ZNRF1: variants seen among roughly 807,000 people sequenced by gnomAD.
ZNRF1 encodes zinc and ring finger 1.
Under a neutral mutation model 18.4 loss-of-function variants are expected in ZNRF1, and 3 were observed. That is an observed-to-expected ratio of 0.16 (90% CI 0.07 to 0.42). The LOEUF (loss-of-function observed/expected upper bound fraction) is 0.42. Among genes scored for constraint, ZNRF1 ranks in the 10% least tolerant of loss-of-function variants. ZNRF1 has a pLI of 0.99. For missense variants in ZNRF1, 310 were observed against 329.8 expected (o/e 0.94, Z 0.47); for synonymous variants, 157 against 144.2 (o/e 1.09, Z -0.64).
At chr16:75,093,434 A>T in intron 1 of ZNRF1, 138 bp from the exon 2 acceptor site, 1 of 583,968 alleles carries the variant, frequency 1.7e-6, no homozygotes, top group Non-Finnish European at 3.1e-6. Context: ...TTGAAGGAGG[A>T]CAGGTCCAGG....
intron 1 of ZNRF1, among the ~76,000 whole-genome samples, chr16:75,023,817 ACTGTTTATTATGGAGCCCTACAGGGG>A (rs2035186535): frequency 6.6e-6 from 1 of 151,064 alleles, no homozygotes; most frequent in South Asian, 2.1e-4. Flanking sequence ...AATTTACCTC[ACTGTTTATTATGGAGCCCTACAGGGG>A]CTCAGAATCC....
Position 75,010,701 on chromosome 16 carries a change from G to GTTTTTTTTTTT in ZNRF1, c.424+10615_424+10616insTTTTTTTTTTT, listed in dbSNP as rs1334552920. ...AAATTAGTCACCTCTGTACTGTACT[G>GTTTTTTTTTTT]TTTTTTTTTGTTTTTTTGTTTTTTT... On this transcript the variant is annotated intron_variant, in intron 1 of 4. Coordinates refer to ENST00000335325, the MANE Select transcript of ZNRF1 (RefSeq NM_032268.5). Among the ~76,000 whole-genome samples the GTTTTTTTTTTT allele has an allele frequency of 3.1e-3, 196 of 63,758 alleles. 13 individuals carry two copies. Among genetic ancestry groups the GTTTTTTTTTTT allele is most frequent in the African/African-American group, 6.2e-3 (138 of 22,290 alleles). The allele number at this position is 63,758 out of a possible 152,430, so 41.8% of individuals were successfully genotyped here.
intron 2 of ZNRF1, among the ~76,000 whole-genome samples, chr16:75,096,314 T>G (rs1278918957): frequency 6.6e-6 from 1 of 152,134 alleles, no homozygotes; most frequent in Non-Finnish European, 1.5e-5. Context: ...CTGAAGACCC[T>G]AAACCTTCCA....
At chr16:75,103,627 C>G (rs2036277637) in intron 2 of ZNRF1, among the ~76,000 whole-genome samples, 1 of 152,146 alleles carries the variant, frequency 6.6e-6, no homozygotes. Context: ...ATGTTGTACA[C>G]TTGAAGATTT....
At chr16:75,051,102 G>T (rs1256352873) in intron 1 of ZNRF1, among the ~76,000 whole-genome samples, 1 of 151,510 alleles carries the variant, frequency 6.6e-6, no homozygotes, top group East Asian at 1.9e-4. Flanking sequence ...TCAGGAGGCT[G>T]AGGCAGTAGG....
intron 1 of ZNRF1, among the ~76,000 whole-genome samples, chr16:75,057,242 ATTCATGCCAGAT>A (rs1313813589): frequency 6.6e-6 from 1 of 152,144 alleles, no homozygotes; most frequent in Non-Finnish European, 1.5e-5. Context: ...TTTGTTGCTT[ATTCATGCCAGAT>A]TTCTAATATA....
chr16:75,040,598 G>GTTTTTT (rs61513153), intron 1 of ZNRF1, among the ~76,000 whole-genome samples: 26 of 46,368 alleles, frequency 5.6e-4, no homozygotes, highest in South Asian at 1.4e-3. Flanking sequence ...TTTTTTGTGG[G>GTTTTTT]TTTTTTTTTT....
intron 1 of ZNRF1, among the ~76,000 whole-genome samples, chr16:75,081,008 A>G (rs757325917): frequency 1.3e-5 from 2 of 152,156 alleles, no homozygotes; most frequent in African/African-American, 2.4e-5. Flanking sequence ...TCCCGTCTCT[A>G]TTAAAAATAC....
intron 1 of ZNRF1, among the ~76,000 whole-genome samples, chr16:75,086,646 C>A (rs1475715394): frequency 6.6e-6 from 1 of 152,184 alleles, no homozygotes; most frequent in African/African-American, 2.4e-5. Context: ...TAATAAATCC[C>A]ATTTATGAAA....
chr16:75,107,463 TG>T, intron 4 of ZNRF1: 1 of 306,968 alleles, frequency 3.3e-6, no homozygotes, highest in Non-Finnish European at 6.5e-6. Flanking sequence ...GAACAGCTGA[TG>T]ATGTCAGACA....
chr16:75,053,589 CAA>C (rs56775288), intron 1 of ZNRF1, among the ~76,000 whole-genome samples: 8,735 of 71,132 alleles, frequency 0.12, 219 homozygotes, highest in Admixed American at 0.18. Flanking sequence ...GACTCCATCT[CAA>C]AAAAAAAAAA....
intron 1 of ZNRF1, among the ~76,000 whole-genome samples, chr16:75,051,432 C>G (rs566969104): frequency 2.0e-5 from 3 of 152,068 alleles, no homozygotes; most frequent in Admixed American, 1.3e-4. Flanking sequence ...TGGTCTCAAA[C>G]TCCTGACCTC....
chr16:75,071,154 C>T (rs2035865539), intron 1 of ZNRF1, among the ~76,000 whole-genome samples: 1 of 150,238 alleles, frequency 6.7e-6, no homozygotes, highest in Non-Finnish European at 1.5e-5. Context: ...GGCTGGAGTG[C>T]AGTGGTGCAA....
At chr16:75,080,396 C>CT (rs1190011502) in intron 1 of ZNRF1, among the ~76,000 whole-genome samples, 2 of 152,178 alleles carry the variant, frequency 1.3e-5, no homozygotes, top group Admixed American at 6.5e-5. Context: ...TGAGCAGTCA[C>CT]TTACATGTGA....
At chr16:75,047,612 T>G (rs1390085396) in intron 1 of ZNRF1, among the ~76,000 whole-genome samples, 1 of 152,210 alleles carries the variant, frequency 6.6e-6, no homozygotes, top group Non-Finnish European at 1.5e-5. Context: ...TGTGTGTAGA[T>G]CTTGCGTCTA....
chr16:75,017,201 C>T (rs1027042105), intron 1 of ZNRF1, among the ~76,000 whole-genome samples: 3 of 152,130 alleles, frequency 2.0e-5, no homozygotes, highest in Admixed American at 2.0e-4. Context: ...CTTTGTGCTT[C>T]CAGATAAATT....
intron 1 of ZNRF1, among the ~76,000 whole-genome samples, chr16:75,087,678 C>G (rs1597904007): frequency 6.6e-6 from 1 of 152,210 alleles, no homozygotes; most frequent in East Asian, 1.9e-4. Context: ...GTCATTCGTT[C>G]CTTCCTCATC....
intron 1 of ZNRF1, among the ~76,000 whole-genome samples, chr16:75,084,152 G>A (rs530619998): frequency 1.3e-5 from 2 of 152,316 alleles, no homozygotes; most frequent in South Asian, 4.1e-4. Flanking sequence ...GCTTGGGTGT[G>A]TGCACGTTCT....
chr16:75,099,346 C>T (rs576508140), intron 2 of ZNRF1, among the ~76,000 whole-genome samples: 1 of 152,308 alleles, frequency 6.6e-6, no homozygotes, highest in Non-Finnish European at 1.5e-5. Context: ...TCAGAAGCAC[C>T]GTGCCTGGAT....
Sources: gnomAD v4.1 joint callset for allele counts (sites outside exome capture counted in the v4.1 genomes callset) on GRCh38, gnomAD v4.1.1 for gene constraint, MANE v1.5 for transcripts, NCBI Gene and HGNC (gene_info 2026-07-23, HGNC 2026-07-21) for gene names.